Variants in TBX5 observed in about 807,000 individuals in gnomAD.
TBX5 encodes the protein T-box transcription factor 5.
A neutral mutation model predicts 51.1 loss-of-function variants in TBX5; 8 were observed. That is an observed-to-expected ratio of 0.16 (90% confidence interval 0.09 to 0.28). The LOEUF is 0.28. Among genes scored for constraint, TBX5 ranks in the 10% least tolerant of loss-of-function variants. TBX5 has a pLI of 1.00. For synonymous variants in TBX5, 302 were observed against 266.4 expected, an observed-to-expected ratio of 1.13 and a Z score of -1.30; for missense variants, 589 against 671.7, an observed-to-expected ratio of 0.88 and a Z score of 1.36.
chr12:114,373,580 T>A (rs1050578899), intron 7 of TBX5, among the ~76,000 whole-genome samples: 4 of 152,190 alleles, frequency 2.6e-5, no homozygotes, highest in Non-Finnish European at 5.9e-5. Flanking sequence ...TGCCTCAGCC[T>A]CCCAAGTAGC....
chr12:114,396,176 T>C (rs1488604478), intron 5 of TBX5, among the ~76,000 whole-genome samples: 1 of 151,774 alleles, frequency 6.6e-6, no homozygotes, highest in Non-Finnish European at 1.5e-5. Flanking sequence ...GACGAGGAAC[T>C]CGCGGGCCCC....
At chr12:114,401,672 G>T (rs1002913587) in intron 3 of TBX5, among the ~76,000 whole-genome samples, 154 bp downstream of exon 3, 1 of 151,752 alleles carries the variant, frequency 6.6e-6, no homozygotes, top group Non-Finnish European at 1.5e-5. Flanking sequence ...TCTATCTTTC[G>T]CTCTCTCTCT....
intron 6 of TBX5, among the ~76,000 whole-genome samples, chr12:114,391,895 T>C (rs1245078063): frequency 6.6e-6 from 1 of 151,956 alleles, no homozygotes; most frequent in Non-Finnish European, 1.5e-5. Context: ...AAAAAGAAAA[T>C]AGGTGTCTTT....
In TBX5 at chr12:114,385,666, C is replaced by G. The variant is rs191437831; in HGVS notation, c.664-99G>C. The G allele has an allele frequency of 2.2e-4, 218 of 1,009,712 alleles. No homozygotes were observed. In the African/African-American group the frequency reaches 3.2e-3, roughly 15 times the overall value. 62.5% of individuals were successfully genotyped at this position (1,009,712 alleles called of 1,614,324 possible). ...ATAATAAATATCATGGAAATGCAGC[C>G]TCTGGCAACCAAAAGAAGCAAATTA... On this transcript the variant is annotated intron_variant, in intron 6 of 8. Transcript: ENST00000405440.
chr12:114,367,601 G>T (rs1033224480), intron 7 of TBX5, among the ~76,000 whole-genome samples: 1 of 151,294 alleles, frequency 6.6e-6, no homozygotes, highest in African/African-American at 2.4e-5. Context: ...GCAGCAGGAG[G>T]CTCAAAGGAA....
intron 7 of TBX5, among the ~76,000 whole-genome samples, chr12:114,380,414 C>T (rs536827363): frequency 1.3e-5 from 2 of 152,286 alleles, no homozygotes; most frequent in South Asian, 2.1e-4. Flanking sequence ...TGATACGAGC[C>T]GTTCTGCTAT....
chr12:114,395,477 G>T (rs1288631413), intron 5 of TBX5, among the ~76,000 whole-genome samples: 1 of 152,122 alleles, frequency 6.6e-6, no homozygotes, highest in East Asian at 1.9e-4. Context: ...CCTTTGTTTG[G>T]AGAACAAGCA....
intron 8 of TBX5, among the ~76,000 whole-genome samples, chr12:114,360,897 C>A (rs181330859): frequency 6.6e-6 from 1 of 152,178 alleles, no homozygotes; most frequent in South Asian, 2.1e-4. Context: ...AGATTCTCAA[C>A]GAGAAATCAA....
chr12:114,366,149 G>A lies in TBX5; in HGVS notation c.982+16C>T, dbSNP rs28730762. The A allele has an allele frequency of 8.8e-3, 14,179 of 1,610,238 alleles. 74 individuals are homozygous for A. Among genetic ancestry groups the A allele is most frequent in the Non-Finnish European group, 0.011 (12,849 of 1,176,446 alleles). ...GTAAGAAAGAAAGCAAATTGACCAG[G>A]GGTGATCACACTCACCTTTCCTCTT... is the stretch of plus-strand genomic sequence containing the variant. On this transcript the variant is annotated intron_variant, in intron 8 of 8. Coordinates refer to ENST00000405440, the MANE Select transcript of TBX5 (RefSeq NM_181486.4).
At chr12:114,399,069 G>A (rs1006265224) in intron 4 of TBX5, among the ~76,000 whole-genome samples, 1 of 152,166 alleles carries the variant, frequency 6.6e-6, no homozygotes, top group Non-Finnish European at 1.5e-5. Flanking sequence ...GGCAGCCATG[G>A]GAACGATTCT....
At chr12:114,401,737 C>T (rs1021041868) in intron 3 of TBX5, 89 bp downstream of exon 3, 5 of 1,227,638 alleles carry the variant, frequency 4.1e-6, no homozygotes, top group Admixed American at 3.4e-5. Flanking sequence ...TGCCCCTTTC[C>T]TTCCTTCTTC....
intron 7 of TBX5, among the ~76,000 whole-genome samples, chr12:114,382,048 C>A (rs1387249820): frequency 2.6e-5 from 4 of 152,222 alleles, no homozygotes; most frequent in Non-Finnish European, 5.9e-5. Flanking sequence ...AATACCTTGA[C>A]AGATGGTTAG....
At chr12:114,377,181 G>A (rs1342538098) in intron 7 of TBX5, among the ~76,000 whole-genome samples, 1 of 152,108 alleles carries the variant, frequency 6.6e-6, no homozygotes, top group African/African-American at 2.4e-5. Context: ...ATGTTGTCTC[G>A]AAAACCACTT....
At chr12:114,399,372 A>G in intron 4 of TBX5, 141 bp downstream of exon 4, 2 of 1,218,338 alleles carry the variant, frequency 1.6e-6, no homozygotes, top group Middle Eastern at 2.0e-4. Context: ...AGTAAAAAGC[A>G]ATGGGATAGG....
At chr12:114,371,432 C>T (rs1265802560) in intron 7 of TBX5, among the ~76,000 whole-genome samples, 3 of 152,088 alleles carry the variant, frequency 2.0e-5, no homozygotes, top group Non-Finnish European at 4.4e-5. Context: ...GGTTGTAAAA[C>T]GTTACAAGGG....
chr12:114,375,128 G>A (rs1870120092), intron 7 of TBX5, among the ~76,000 whole-genome samples: 1 of 152,208 alleles, frequency 6.6e-6, no homozygotes, highest in Non-Finnish European at 1.5e-5. Flanking sequence ...GTAGAGAAAA[G>A]GGTTGCCTTT....
intron 3 of TBX5, among the ~76,000 whole-genome samples, chr12:114,400,136 C>T (rs556992030): frequency 6.6e-6 from 1 of 152,280 alleles, no homozygotes; most frequent in African/African-American, 2.4e-5. Flanking sequence ...TGCGCCCAGG[C>T]TTCCCGACCT....
intron 1 of TBX5, 141 bp from the exon 2 acceptor site, chr12:114,404,077 A>C: frequency 1.3e-6 from 1 of 776,424 alleles, no homozygotes; most frequent in Non-Finnish European, 2.1e-6. Flanking sequence ...TTCCCAGCCG[A>C]AGGTGACTGC....
chr12:114,390,158 C>T, intron 6 of TBX5, among the ~76,000 whole-genome samples: 1 of 152,178 alleles, frequency 6.6e-6, no homozygotes. Flanking sequence ...TTACACGTAA[C>T]TTCTTTTGGA....
Sources: gnomAD v4.1 joint callset for allele counts (sites outside exome capture counted in the v4.1 genomes callset) on GRCh38, gnomAD v4.1.1 for gene constraint, MANE v1.5 for transcripts, NCBI Gene and HGNC (gene_info 2026-07-23, HGNC 2026-07-21) for gene names.